The following SHANK2 variants were observed in gnomAD, a reference collection of about 807,000 sequenced individuals.
SHANK2 encodes the protein SH3 and multiple ankyrin repeat domains 2.
SHANK2 carries 43 observed loss-of-function variants against 133.7 expected under a neutral mutation model. The ratio of observed to expected loss-of-function variants is 0.32; its 90% CI spans 0.25 to 0.41. The LOEUF is 0.41. Ranked by LOEUF, SHANK2 falls within the 10% of genes least tolerant of loss-of-function variation. The pLI, the probability that SHANK2 is intolerant of heterozygous loss-of-function variation, is 1.00. For synonymous variants in SHANK2, 1,017 were observed against 952.8 expected, an observed-to-expected ratio of 1.07 and a Z score of -1.24; for missense variants, 1,994 against 2,235.8, an observed-to-expected ratio of 0.89 and a Z score of 2.18.
rs1265564773 is a variant in SHANK2, at chr11:70,739,704, C to T, written c.1778-40941G>A. 1.3e-5 allele frequency among the ~76,000 whole-genome samples: 2 copies of T among 152,214 alleles called. No homozygotes were observed. Among genetic ancestry groups the T allele is most frequent in the African/African-American group, 2.4e-5 (1 of 41,462 alleles). On this transcript the variant is annotated intron_variant, in intron 14 of 25. Transcript: ENST00000601538. This position sits in a 1 kb window ranked among gnomAD's most constrained non-coding sequence, Gnocchi z 4.3. ...CAAATTCATATGCTGAAAGCCTAAC[C>T]CCTGCTCCTCAGAATGTGACTGTAT...
intron 2 of SHANK2, among the ~76,000 whole-genome samples, chr11:71,159,793 G>C (rs1227328872): frequency 2.0e-5 from 3 of 152,036 alleles, no homozygotes; most frequent in Non-Finnish European, 2.9e-5. Context: ...AGACCAGCCT[G>C]GCCAACATGG....
At position 70,543,557 on chromosome 11, in the gene SHANK2, T is replaced by G. The variant is rs117036527; in HGVS notation, c.2062-40626A>C. Among the ~76,000 whole-genome samples the G allele has an allele frequency of 8.6e-3, 1,315 of 152,324 alleles. 20 individuals are homozygous for G. The highest frequency in any genetic ancestry group is 0.053 in the South Asian group (255 of 4,822). On this transcript the variant is annotated intron_variant, in intron 17 of 25. Coordinates refer to ENST00000601538, the MANE Select transcript of SHANK2 (RefSeq NM_012309.5). ...GAATAGATGAACACGTGGAGGTTCCTTGGGGGTGGCGTGCCTGGGCAGGGC... is the reference window on the plus strand; with the variant it reads ...GAATAGATGAACACGTGGAGGTTCCGTGGGGGTGGCGTGCCTGGGCAGGGC...
chr11:70,861,851 A>G (rs535101373), intron 11 of SHANK2, among the ~76,000 whole-genome samples: 1 of 152,326 alleles, frequency 6.6e-6, no homozygotes, highest in African/African-American at 2.4e-5. Flanking sequence ...TAAATGAGTG[A>G]TCCAACTGGG....
chr11:70,918,575 G>A (rs557543734), intron 10 of SHANK2, among the ~76,000 whole-genome samples: 4 of 152,134 alleles, frequency 2.6e-5, no homozygotes, highest in East Asian at 1.9e-4. Flanking sequence ...GAGCAATCTC[G>A]GCTCACTGCA....
intron 14 of SHANK2, among the ~76,000 whole-genome samples, chr11:70,719,679 G>A (rs782372413): frequency 3.9e-5 from 6 of 151,932 alleles, no homozygotes; most frequent in Non-Finnish European, 7.4e-5. Context: ...TGCTCACTGG[G>A]ATTTCAGTGG....
intron 11 of SHANK2, among the ~76,000 whole-genome samples, chr11:70,821,820 C>T (rs1365148928): frequency 6.6e-6 from 1 of 152,188 alleles, no homozygotes; most frequent in Non-Finnish European, 1.5e-5. Flanking sequence ...CAATCTCAGT[C>T]CTCACTAAGA....
At chr11:70,525,533 G>C (rs2059384529) in intron 17 of SHANK2, among the ~76,000 whole-genome samples, 1 of 152,112 alleles carries the variant, frequency 6.6e-6, no homozygotes, top group African/African-American at 2.4e-5. Flanking sequence ...GAGAGAAAAG[G>C]GCATTTGGAA....
At chr11:70,701,853 G>T (rs933362789) in intron 14 of SHANK2, among the ~76,000 whole-genome samples, 2 of 152,096 alleles carry the variant, frequency 1.3e-5, no homozygotes, top group South Asian at 2.1e-4. Flanking sequence ...GACCCTAAGG[G>T]ACAAGATCAT....
intron 17 of SHANK2, among the ~76,000 whole-genome samples, chr11:70,583,294 C>T (rs2060207420): frequency 6.6e-6 from 1 of 152,074 alleles, no homozygotes; most frequent in Non-Finnish European, 1.5e-5. Flanking sequence ...GCAGAGGGAG[C>T]ATGTGGCGAG....
chr11:70,938,964 G>A (rs540285119), intron 10 of SHANK2, among the ~76,000 whole-genome samples: 10 of 152,172 alleles, frequency 6.6e-5, no homozygotes, highest in Admixed American at 2.6e-4. Flanking sequence ...CCAGCAGTGG[G>A]AGAGAAGCTG....
At chr11:71,131,309 G>A (rs1555103665) in intron 3 of SHANK2, among the ~76,000 whole-genome samples, 1 of 152,204 alleles carries the variant, frequency 6.6e-6, no homozygotes, top group African/African-American at 2.4e-5. Flanking sequence ...ACATGTCAAT[G>A]GAACAGGGAA....
intron 15 of SHANK2, among the ~76,000 whole-genome samples, chr11:70,667,638 T>C (rs913138505): frequency 2.6e-5 from 4 of 152,160 alleles, no homozygotes; most frequent in Non-Finnish European, 4.4e-5. Context: ...GTGATGACAG[T>C]TGGCGTTTAG....
chr11:70,478,492 A>G (rs184547146), intron 25 of SHANK2, among the ~76,000 whole-genome samples: 143 of 152,354 alleles, frequency 9.4e-4, no homozygotes, highest in African/African-American at 3.2e-3. Flanking sequence ...TTGCATGAAA[A>G]TAGCACTTAT....
intron 2 of SHANK2, among the ~76,000 whole-genome samples, chr11:71,172,597 CAA>C (rs10623588): frequency 5.6e-5 from 6 of 107,274 alleles, no homozygotes; most frequent in Non-Finnish European, 5.4e-5. Flanking sequence ...GACTCTGTCT[CAA>C]AAAAAAAAAA....
intron 9 of SHANK2, among the ~76,000 whole-genome samples, chr11:71,062,499 G>T (rs1950999705): frequency 6.6e-6 from 1 of 152,164 alleles, no homozygotes; most frequent in African/African-American, 2.4e-5. Flanking sequence ...TGGCCCCTGG[G>T]GGTCTTGCTC....
At chr11:71,196,564 G>A (rs1163250446) in intron 2 of SHANK2, among the ~76,000 whole-genome samples, 5 of 152,116 alleles carry the variant, frequency 3.3e-5, no homozygotes, top group Admixed American at 2.0e-4. Flanking sequence ...AATTGTAGGC[G>A]TGAGCCATTG....
chr11:71,067,872 TCACCAC>T (rs1164705594), intron 9 of SHANK2, among the ~76,000 whole-genome samples: 1 of 150,070 alleles, frequency 6.7e-6, no homozygotes, highest in East Asian at 2.0e-4. Context: ...ACCATCACCA[TCACCAC>T]CATCATCACC....
At chr11:71,152,614 G>A (rs1454062821) in intron 2 of SHANK2, among the ~76,000 whole-genome samples, 2 of 152,224 alleles carry the variant, frequency 1.3e-5, no homozygotes, top group Non-Finnish European at 2.9e-5. Flanking sequence ...GGCTCTGGGG[G>A]TGATGGTCAC....
chr11:70,605,527 C>T (rs1259670042), intron 17 of SHANK2, among the ~76,000 whole-genome samples: 1 of 152,246 alleles, frequency 6.6e-6, no homozygotes, highest in Non-Finnish European at 1.5e-5. Context: ...GCCATGTGAG[C>T]TCCTGCAGAT....
Sources: allele counts gnomAD v4.1 joint callset (sites outside exome capture counted in the v4.1 genomes callset), GRCh38; gene constraint gnomAD v4.1.1; non-coding constraint Gnocchi (gnomAD v3.1); transcripts MANE v1.5; gene names NCBI Gene and HGNC (gene_info 2026-07-23, HGNC 2026-07-21).